Variants in DNMT3A observed in about 807,000 individuals in gnomAD.
DNMT3A encodes DNA (cytosine-5)-methyltransferase 3A.
In DNMT3A, 267 loss-of-function variants were observed where a neutral mutation model predicts 117.6. That is an observed-to-expected ratio of 2.27 (90% CI 2.05 to 2.51). The LOEUF is 2.51. DNMT3A is among the 30% of genes most tolerant of loss of function. The pLI is 0.00. For synonymous variants in DNMT3A, 432 were observed against 474.8 expected, an observed-to-expected ratio of 0.91 and a Z score of 1.17; for missense variants, 1,029 against 1,260.2, an observed-to-expected ratio of 0.82 and a Z score of 2.78.
chr2:25,320,578 G>T (rs1251361415), intron 1 of DNMT3A, among the ~76,000 whole-genome samples: 1 of 152,042 alleles, frequency 6.6e-6, no homozygotes, highest in Non-Finnish European at 1.5e-5. Context: ...ATTAGAAGTT[G>T]TGGTAGGAAT....
Position 25,247,194 on chromosome 2 carries a change from T to A in DNMT3A, c.1015-36A>T, listed in dbSNP as rs765333448. 1.2e-6 allele frequency: 2 copies of A among 1,603,264 alleles called. No individual in the cohort carries two copies. Among genetic ancestry groups the A allele is most frequent in the Admixed American group, 3.4e-5 (2 of 59,120 alleles). On this transcript the variant is annotated intron_variant, in intron 8 of 22. Coordinates refer to ENST00000321117, the MANE Select transcript of DNMT3A (RefSeq NM_022552.5). This position sits in a 1 kb window ranked among gnomAD's most constrained non-coding sequence, Gnocchi z 5.6. ...AAGCCAGGCCTTGTTTGCCGAGGCT[T>A]ACACTTGCAAGCACCCACCCCATGC...
intron 19 of DNMT3A, 56 bp from the exon 20 acceptor site, chr2:25,239,271 G>A (rs368403376): frequency 6.3e-5 from 95 of 1,511,984 alleles, no homozygotes; most frequent in East Asian, 3.2e-4. Context: ...AAACAGCGCC[G>A]GCATGCTGCT....
Position 25,337,240 on chromosome 2 carries a change from G to C in DNMT3A, c.-178+4586C>G, listed in dbSNP as rs2035249562. Among the ~76,000 whole-genome samples the C allele has an allele frequency of 6.6e-6, 1 of 152,148 alleles. No homozygotes were observed. Among genetic ancestry groups the C allele is most frequent in the African/African-American group, 2.4e-5 (1 of 41,426 alleles). On this transcript the variant is annotated intron_variant, in intron 1 of 22. Transcript: ENST00000321117. The surrounding 1 kb of genome is among the most constrained non-coding windows in gnomAD (Gnocchi z 5.0). ...TCGCTGAGAAGCCTCCCACCTCCCAGGATTTTTAATCAGAATCGGCACTTT... is the reference window on the plus strand; with the variant it reads ...TCGCTGAGAAGCCTCCCACCTCCCACGATTTTTAATCAGAATCGGCACTTT...
In DNMT3A at chr2:25,244,466, G is replaced by C. The variant is rs1573328118; in HGVS notation, c.1667+74C>G. ...GGGTGGAGGGTCTGTGGGGAAGGGA[G>C]AGGAGGGGAGGCGGTGGGCGGCGGG... On this transcript the variant is annotated intron_variant, in intron 14 of 22. Coordinates refer to ENST00000321117, the MANE Select transcript of DNMT3A (RefSeq NM_022552.5). 10 of 1,583,530 alleles carry C rather than the reference G, an allele frequency of 6.3e-6. No individual in the cohort carries two copies. The East Asian group carries it at 2.0e-4, about 32-fold the overall frequency.
chr2:25,285,866 G>A (rs952540584), intron 3 of DNMT3A, among the ~76,000 whole-genome samples: 3 of 152,192 alleles, frequency 2.0e-5, no homozygotes, highest in South Asian at 4.1e-4. Context: ...GAAAAGTGGA[G>A]TGTACCCCTG....
Position 25,261,396 on chromosome 2 carries a change from G to A in DNMT3A, c.640-13144C>T, listed in dbSNP as rs1676589154. Among the ~76,000 whole-genome samples, 3 of 135,084 alleles carry A rather than the reference G, an allele frequency of 2.2e-5. No individual in the cohort carries two copies. In the South Asian group the frequency reaches 7.7e-4, roughly 35 times the overall value. 88.6% of individuals were successfully genotyped at this position (135,084 alleles called of 152,430 possible). On this transcript the variant is annotated intron_variant, in intron 6 of 22. Transcript: ENST00000321117. ...AGAGGTTGCAGTGAGCCAAGACCAT[G>A]CCACTGCACTCCAGCCTGGGTGACA...
At chr2:25,253,263 G>A (rs1297285506) in intron 6 of DNMT3A, among the ~76,000 whole-genome samples, 1 of 152,208 alleles carries the variant, frequency 6.6e-6, no homozygotes, top group Non-Finnish European at 1.5e-5. Context: ...TTGGCTGTAG[G>A]ATCAGATAAA....
chr2:25,324,085 T>C (rs114297797), intron 1 of DNMT3A, among the ~76,000 whole-genome samples: 1,560 of 152,326 alleles, frequency 0.01, 23 homozygotes, highest in African/African-American at 0.035. Context: ...CTCTCTCTCC[T>C]GGTCAGGCTT....
intron 3 of DNMT3A, among the ~76,000 whole-genome samples, chr2:25,287,737 C>CG (rs1380829983): frequency 6.6e-6 from 1 of 151,740 alleles, no homozygotes; most frequent in East Asian, 1.9e-4. Context: ...ACACCCCCGC[C>CG]CCCAACAGAG....
In DNMT3A at chr2:25,280,982, C is replaced by T. The variant is rs115749337; in HGVS notation, c.448+1459G>A. On this transcript the variant is annotated intron_variant, in intron 4 of 22. Transcript: ENST00000321117. ...CCTGGGAAGCGAAGTCAACTGCAGT[C>T]AGCCCATGGGAAGCACCACATTTGG... Among the ~76,000 whole-genome samples the T allele has an allele frequency of 3.5e-3, 533 of 152,282 alleles. 2 individuals carry two copies. The highest frequency in any genetic ancestry group is 0.012 in the African/African-American group (518 of 41,540).
At chr2:25,261,225 G>C (rs1217627624) in intron 6 of DNMT3A, among the ~76,000 whole-genome samples, 1 of 151,436 alleles carries the variant, frequency 6.6e-6, no homozygotes. Flanking sequence ...GATCATCTGA[G>C]CTCAGGAGTT....
chr2:25,333,926 C>T (rs566788585), intron 1 of DNMT3A, among the ~76,000 whole-genome samples: 4 of 152,342 alleles, frequency 2.6e-5, no homozygotes, highest in Non-Finnish European at 5.9e-5. Context: ...TGAGACAGTC[C>T]TCCAGGTCGG....
chr2:25,310,774 T>C (rs2034070003), intron 2 of DNMT3A, among the ~76,000 whole-genome samples: 1 of 152,184 alleles, frequency 6.6e-6, no homozygotes. Context: ...TCTACACCAA[T>C]AGTTCTCAAC....
At chr2:25,249,664 CA>C (rs750719989) in intron 6 of DNMT3A, 4 of 1,614,250 alleles carry the variant, frequency 2.5e-6, no homozygotes, top group Non-Finnish European at 2.5e-6. Context: ...CACCGTATCA[CA>C]CTCGTCTTTC....
chr2:25,239,268 G>T, intron 19 of DNMT3A, 53 bp from the exon 20 acceptor site: 1 of 1,521,720 alleles, frequency 6.6e-7, no homozygotes. Flanking sequence ...ATGAAACAGC[G>T]CCGGCATGCT....
intron 3 of DNMT3A, among the ~76,000 whole-genome samples, chr2:25,292,984 T>C (rs1287813599): frequency 6.7e-6 from 1 of 150,140 alleles, no homozygotes; most frequent in African/African-American, 2.5e-5. Flanking sequence ...TGTGGAGAGA[T>C]GAAAATAAAC....
Position 25,248,058 on chromosome 2 carries a change from G to A in DNMT3A, c.834C>T (p.Gly278=), listed in dbSNP as rs771158367. The part of the protein sequence containing the change: ...DAGDKNATKA[G]DDEPEYEDGR... ...TCACCTCGTACTCTGGCTCGTCATCGCCTGCTTTGGTGGCATTCTTGTCCC... is the reference window on the plus strand; with the variant it reads ...TCACCTCGTACTCTGGCTCGTCATCACCTGCTTTGGTGGCATTCTTGTCCC... Residue 278 remains glycine (G), a synonymous_variant, in exon 7 of 23, where the codon GGC becomes GGT. Coordinates refer to ENST00000321117, the MANE Select transcript of DNMT3A (RefSeq NM_022552.5). 6.2e-6 allele frequency: 10 copies of A among 1,612,120 alleles called. No individual in the cohort carries two copies. Among genetic ancestry groups the A allele is most frequent in the South Asian group, 1.1e-5 (1 of 90,976 alleles).
rs1165456907 is a variant in DNMT3A, at chr2:25,244,655, A to C, written c.1555-3T>G. 1 of 1,613,910 alleles carries C rather than the reference A, an allele frequency of 6.2e-7. No individual in the cohort carries two copies. On this transcript the variant is annotated splice_region_variant and splice_polypyrimidine_tract_variant and intron_variant, in intron 13 of 22. Transcript: ENST00000321117. ...TACGCACACTCCAGAAAGCAGTTCTAGACAGCAGCGGGAAGGGTCAGAAAC... is the reference window on the plus strand; with the variant it reads ...TACGCACACTCCAGAAAGCAGTTCTCGACAGCAGCGGGAAGGGTCAGAAAC...
intron 1 of DNMT3A, chr2:25,328,714 C>T (rs555760713): frequency 5.3e-5 from 27 of 511,758 alleles, no homozygotes; most frequent in South Asian, 2.4e-4. Flanking sequence ...AGCGACCCCC[C>T]ACAATCCCCA....
Sources: allele counts gnomAD v4.1 joint callset (sites outside exome capture counted in the v4.1 genomes callset), GRCh38; gene constraint gnomAD v4.1.1; non-coding constraint Gnocchi (gnomAD v3.1); transcripts MANE v1.5; gene names NCBI Gene and HGNC (gene_info 2026-07-23, HGNC 2026-07-21).